Variants in KCNJ13 observed in about 807,000 individuals in gnomAD.
KCNJ13 encodes inward rectifier potassium channel 13.
A neutral mutation model predicts 24.6 loss-of-function variants in KCNJ13; 9 were observed. The observed-to-expected ratio is 0.37, with a 90% CI of 0.22 to 0.64. The LOEUF is 0.64. KCNJ13 is among the 30% of genes least tolerant of loss of function. The pLI is 0.64. For synonymous variants in KCNJ13, 148 were observed against 154.7 expected, an observed-to-expected ratio of 0.96 and a Z score of 0.32; for missense variants, 337 against 443.8, an observed-to-expected ratio of 0.76 and a Z score of 2.16.
At chr2:232,772,862 C>A (rs567454871) in intron 1 of KCNJ13, among the ~76,000 whole-genome samples, 3 of 152,290 alleles carry the variant, frequency 2.0e-5, no homozygotes, top group South Asian at 2.1e-4. Context: ...CTTGGGTTTC[C>A]TAGTTCCTAT....
At chr2:232,773,329 A>G (rs1049469501) in intron 1 of KCNJ13, among the ~76,000 whole-genome samples, 3 of 152,228 alleles carry the variant, frequency 2.0e-5, no homozygotes, top group Non-Finnish European at 4.4e-5. Flanking sequence ...ATTCTTCAGT[A>G]TCTCAACAAG....
intron 1 of KCNJ13, among the ~76,000 whole-genome samples, chr2:232,773,969 T>C (rs190794648): frequency 6.6e-6 from 1 of 150,786 alleles, no homozygotes; most frequent in East Asian, 2.0e-4. Flanking sequence ...GTATCACTAT[T>C]AGTCCCATTT....
chr2:232,766,771 C>T lies in KCNJ13; in HGVS notation c.*1420G>A, dbSNP rs942703766. The T allele has an allele frequency of 2.0e-5, 3 of 152,226 alleles. No individual in the cohort carries two copies. The highest frequency in any genetic ancestry group is 7.2e-5 in the African/African-American group (3 of 41,454). 9.4% of individuals were successfully genotyped at this position (152,226 alleles called of 1,614,324 possible). A position where few individuals can be genotyped will look rare whatever the true frequency, so the allele number is the denominator to read the frequency against. On this transcript the variant is annotated 3_prime_UTR_variant, in exon 3 of 3. Coordinates refer to ENST00000233826, the MANE Select transcript of KCNJ13 (RefSeq NM_002242.4). ...TGACTTGCTGCTGAGCCCTGCTCTT[C>T]ACACCTGCTTGCCTTTACTCAGCTA...
In KCNJ13 at chr2:232,767,688, A is replaced by G. The variant is rs1574855339; in HGVS notation, c.*503T>C. On this transcript the variant is annotated 3_prime_UTR_variant, in exon 3 of 3. Coordinates refer to ENST00000233826, the MANE Select transcript of KCNJ13 (RefSeq NM_002242.4). ...AGGAGGTAATACTTACTCAAGTTTC[A>G]TAGTATAAAGAACCAAATGAATGAT... is the stretch of plus-strand genomic sequence containing the variant. The G allele has an allele frequency of 6.2e-6, 1 of 161,328 alleles. No individual in the cohort carries two copies. The highest frequency in any genetic ancestry group is 1.8e-4 in the East Asian group (1 of 5,514). 10.0% of individuals were successfully genotyped at this position (161,328 alleles called of 1,614,324 possible).
chr2:232,771,466 T>C (rs1699242852), intron 1 of KCNJ13, 88 bp from the exon 2 acceptor site: 1 of 816,140 alleles, frequency 1.2e-6, no homozygotes, highest in East Asian at 2.6e-5. Flanking sequence ...TCTGCTTTCT[T>C]GGGAATGCTT....
chr2:232,769,107 C>G (rs1699107683), intron 2 of KCNJ13, among the ~76,000 whole-genome samples: 1 of 152,050 alleles, frequency 6.6e-6, no homozygotes, highest in Non-Finnish European at 1.5e-5. Context: ...TTGGTCATTT[C>G]CTATATTCCT....
rs2106333351 is a variant in KCNJ13 at position 232,767,291 on chromosome 2, C to T, written c.*900G>A. ...TCACTCAAGTTATATCTAAGTAAAG[C>T]TTTATATCTATAAAGACTTAAATAT... On this transcript the variant is annotated 3_prime_UTR_variant, in exon 3 of 3. Transcript: ENST00000233826. 6.6e-6 allele frequency: 1 copy of T among 152,078 alleles called. No homozygotes were observed. Among genetic ancestry groups the T allele is most frequent in the African/African-American group, 2.4e-5 (1 of 41,508 alleles). The allele number at this position is 152,078 out of a possible 1,614,324, so 9.4% of individuals were successfully genotyped here. A position where few individuals can be genotyped will look rare whatever the true frequency, so the allele number is the denominator to read the frequency against.
At chr2:232,771,913 C>T (rs544370798) in intron 1 of KCNJ13, among the ~76,000 whole-genome samples, 17 of 152,270 alleles carry the variant, frequency 1.1e-4, no homozygotes, top group Admixed American at 9.8e-4. Context: ...ACAAGGCTTA[C>T]ATTTGTGGTA....
rs1187574332 is a variant in KCNJ13 at position 232,768,543 on chromosome 2, T to A, written c.731A>T (p.Tyr244Phe). 5 of 1,614,142 alleles carry A rather than the reference T, an allele frequency of 3.1e-6. No homozygotes were observed. In the Admixed American group the frequency reaches 8.3e-5, roughly 27 times the overall value. Reference sequence around the variant, plus strand: ...AGGACTTGATGGTGTAATGGAGTGATAGTACGTTAGTGGAAAGATGAAGAA... The same window carrying A: ...AGGACTTGATGGTGTAATGGAGTGAAAGTACGTTAGTGGAAAGATGAAGAA... Reference protein sequence around the residue: ...CPFFIFPLTYYHSITPSSPLA... With the variant: ...CPFFIFPLTYFHSITPSSPLA... The change falls in exon 3 of 3, where the codon TAT becomes TTT. Residue 244 changes from tyrosine (Y) to phenylalanine (F), a missense_variant. This residue lies in a region of KCNJ13 where 235 missense variants were observed against 286.9 expected (regional missense o/e 0.82). Transcript: ENST00000233826.
At position 232,768,112 on chromosome 2, in the gene KCNJ13, G is replaced by C; in HGVS notation, c.*79C>G. The C allele has an allele frequency of 1.6e-5, 23 of 1,439,386 alleles. No individual in the cohort carries two copies. The highest frequency in any genetic ancestry group is 2.2e-5 in the Non-Finnish European group (23 of 1,027,694). The allele number at this position is 1,439,386 out of a possible 1,614,324, so 89.2% of individuals were successfully genotyped here. ...AGAGCTATAATTAGCATTGAAAAAA[G>C]AAAACATGAGATACAGTAAAGAAAA... On this transcript the variant is annotated 3_prime_UTR_variant, in exon 3 of 3. Transcript: ENST00000233826.
chr2:232,768,829 T>C lies in KCNJ13; in HGVS notation c.461-16A>G, dbSNP rs973485938. On this transcript the variant is annotated splice_polypyrimidine_tract_variant and intron_variant, in intron 2 of 2. Coordinates refer to ENST00000233826, the MANE Select transcript of KCNJ13 (RefSeq NM_002242.4). ...ACAAAAGCACCTAAATAAGAAATTA[T>C]TGATTTTTTTTTAGAATGAAGACTT... The C allele has an allele frequency of 1.3e-6, 2 of 1,595,894 alleles. No homozygotes were observed. The highest frequency in any genetic ancestry group is 8.6e-7 in the Non-Finnish European group (1 of 1,169,056).
chr2:232,768,374 T>C lies in KCNJ13; in HGVS notation c.900A>G (p.Ala300=). Reference sequence around the variant, plus strand: ...CTTTGGAACCTCGGGTCAACAGAGATGCAAAACAGTGATGTAACATGATTT... The same window carrying C: ...CTTTGGAACCTCGGGTCAACAGAGACGCAAAACAGTGATGTAACATGATTT... The part of the protein sequence containing the change: ...PSEIMLHHCF[A]SLLTRGSKGE... Residue 300 remains alanine, a synonymous_variant, in exon 3 of 3, where the codon GCA becomes GCG. Coordinates refer to ENST00000233826, the MANE Select transcript of KCNJ13 (RefSeq NM_002242.4). 1 of 1,614,192 alleles carries C rather than the reference T, an allele frequency of 6.2e-7. No individual in the cohort carries two copies. The highest frequency in any genetic ancestry group is 1.1e-5 in the South Asian group (1 of 91,084).
intron 1 of KCNJ13, among the ~76,000 whole-genome samples, chr2:232,775,048 G>T (rs777806047): frequency 6.6e-6 from 1 of 151,806 alleles, no homozygotes; most frequent in Non-Finnish European, 1.5e-5. Flanking sequence ...GCTGATAATC[G>T]GAACAGTTAA....
chr2:232,773,345 C>T (rs1185015025), intron 1 of KCNJ13, among the ~76,000 whole-genome samples: 1 of 152,124 alleles, frequency 6.6e-6, no homozygotes, highest in Non-Finnish European at 1.5e-5. Flanking sequence ...ACAAGATAGC[C>T]ATTGTTCCCA....
rs758581367 is a variant in KCNJ13 at position 232,768,263 on chromosome 2, A to G, written c.1011T>C (p.Thr337=). The change falls in exon 3 of 3, where the codon ACT becomes ACC. Residue 337 remains threonine (T), a synonymous_variant. Coordinates refer to ENST00000233826, the MANE Select transcript of KCNJ13 (RefSeq NM_002242.4). ...GTCCATTGATGTGGATATCCAGGTC[A>G]GTCCTGTTTGGGCTTTTAGAAACCA... is the stretch of plus-strand genomic sequence containing the variant. The part of the protein sequence containing the change: ...TPLVSKSPNR[T]DLDIHINGQS... 1 of 1,614,098 alleles carries G rather than the reference A, an allele frequency of 6.2e-7. No homozygotes were observed. Among genetic ancestry groups the G allele is most frequent in the Admixed American group, 1.7e-5 (1 of 60,034 alleles).
Position 232,768,748 on chromosome 2 carries a change from C to T in KCNJ13, c.526G>A (p.Ala176Thr). ...TTGCCATCCATGTGAGCTACTACTGCTGTGTCAGTAAAGCGAATTGAAAAA... is the reference window on the plus strand; with the variant it reads ...TTGCCATCCATGTGAGCTACTACTGTTGTGTCAGTAAAGCGAATTGAAAAA... ...RAFSIRFTDT[A>T]VVAHMDGKPN... Residue 176 changes from alanine to threonine, a missense_variant, in exon 3 of 3, where the codon GCA (alanine) becomes ACA (threonine). By Grantham distance (58) the Ala-to-Thr change is moderately conservative. Around this residue, in one of 3 missense-constraint regions of KCNJ13, gnomAD observed 235 missense variants for 286.9 expected, o/e 0.82. Coordinates refer to ENST00000233826, the MANE Select transcript of KCNJ13 (RefSeq NM_002242.4). 6.2e-7 allele frequency: 1 copy of T among 1,601,170 alleles called. No individual in the cohort carries two copies.
At chr2:232,774,064 T>C (rs1699400562) in intron 1 of KCNJ13, among the ~76,000 whole-genome samples, 3 of 151,856 alleles carry the variant, frequency 2.0e-5, no homozygotes, top group Non-Finnish European at 1.5e-5. Flanking sequence ...GGAGGATTGC[T>C]TGAGGTCGGG....
chr2:232,765,851 A>T lies in KCNJ13; in HGVS notation c.*2340T>A, dbSNP rs1190668840. On this transcript the variant is annotated 3_prime_UTR_variant, in exon 3 of 3. Coordinates refer to ENST00000233826, the MANE Select transcript of KCNJ13 (RefSeq NM_002242.4). ...GCCCCTGAGATTTTTAGGTAACGAC[A>T]TGCCTCCAGTTTGTTGAAACTGTCA... The T allele has an allele frequency of 6.5e-6, 3 of 460,644 alleles. No individual in the cohort carries two copies. The highest frequency in any genetic ancestry group is 1.4e-5 in the Non-Finnish European group (3 of 220,854). 28.5% of individuals were successfully genotyped at this position (460,644 alleles called of 1,614,324 possible). A position where few individuals can be genotyped will look rare whatever the true frequency, so the allele number is the denominator to read the frequency against.
At position 232,771,049 on chromosome 2, in the gene KCNJ13, C is replaced by A. The variant is rs1699223440; in HGVS notation, c.314G>T (p.Ser105Ile). 2 of 1,614,068 alleles carry A rather than the reference C, an allele frequency of 1.2e-6. No homozygotes were observed. Among genetic ancestry groups the A allele is most frequent in the Non-Finnish European group, 1.7e-6 (2 of 1,179,994 alleles). ...GGAGAAGGAGAATGCAGCTGTGAAA[C>A]TGGTGATATACTTGACACAGATAGT... Reference protein sequence around the residue: ...NHTICVKYITSFTAAFSFSLE... With the variant: ...NHTICVKYITIFTAAFSFSLE... Residue 105 changes from serine (S) to isoleucine (I), a missense_variant, in exon 2 of 3, where the codon AGT becomes ATT. By Grantham distance (142) the Ser-to-Ile change is moderately radical (BLOSUM62 -2). Coordinates refer to ENST00000233826, the MANE Select transcript of KCNJ13 (RefSeq NM_002242.4).
Sources: allele counts gnomAD v4.1 joint callset (sites outside exome capture counted in the v4.1 genomes callset), GRCh38; gene constraint gnomAD v4.1.1; regional missense constraint gnomAD v4.1.1; transcripts MANE v1.5; gene names NCBI Gene and HGNC (gene_info 2026-07-23, HGNC 2026-07-21).